The following WNK2 variants were observed in gnomAD, a reference collection of about 807,000 sequenced individuals.
The protein encoded by WNK2 is serine/threonine-protein kinase WNK2.
A neutral mutation model predicts 192.1 loss-of-function variants in WNK2; 67 were observed. The ratio of observed to expected loss-of-function variants is 0.35; its 90% CI spans 0.29 to 0.43. The LOEUF (loss-of-function observed/expected upper bound fraction) is 0.43, where lower values mean the gene tolerates loss of function less well. WNK2 is among the 20% of genes least tolerant of loss of function. WNK2 has a pLI of 1.00. For missense variants in WNK2, 2,698 were observed against 3,089.7 expected, an observed-to-expected ratio of 0.87 and a Z score of 3.01; for synonymous variants, 1,439 against 1,393.9, an observed-to-expected ratio of 1.03 and a Z score of -0.72.
rs938529496 is a variant in WNK2, at chr9:93,318,931, G to T, written c.6628+1300G>T. On this transcript the variant is annotated intron_variant, in intron 29 of 29. Transcript: ENST00000427277. Reference sequence around the variant, plus strand: ...TAGTTTCTGTACTTATTAGAACTGGGTAAATTATTTTGGTTCAAATCTATT... The same window carrying T: ...TAGTTTCTGTACTTATTAGAACTGGTTAAATTATTTTGGTTCAAATCTATT... The T allele has an allele frequency of 7.7e-6, 11 of 1,420,072 alleles. No individual in the cohort carries two copies. The Admixed American group carries it at 8.7e-5, about 11-fold the overall frequency. The allele number at this position is 1,420,072 out of a possible 1,614,324, so 88.0% of individuals were successfully genotyped here.
chr9:93,303,125 G>A (rs1376846011), intron 26 of WNK2, among the ~76,000 whole-genome samples: 1 of 152,168 alleles, frequency 6.6e-6, no homozygotes, highest in Admixed American at 6.5e-5. Context: ...TCACCATGTT[G>A]CCTAGGCTGG....
intron 28 of WNK2, among the ~76,000 whole-genome samples, chr9:93,312,941 C>G (rs1469811010): frequency 1.3e-5 from 2 of 152,202 alleles, no homozygotes; most frequent in Admixed American, 6.5e-5. Context: ...GTAAGTGTCT[C>G]CAGCTTGCTG....
intron 2 of WNK2, among the ~76,000 whole-genome samples, chr9:93,223,715 C>G (rs976360895): frequency 6.6e-6 from 1 of 152,200 alleles, no homozygotes; most frequent in African/African-American, 2.4e-5. Context: ...CTGCTGGCCC[C>G]CAGCTTGGGT....
chr9:93,189,664 G>T (rs574452438), intron 2 of WNK2, among the ~76,000 whole-genome samples: 3 of 152,368 alleles, frequency 2.0e-5, no homozygotes, highest in African/African-American at 7.2e-5. Context: ...CCACCCGACA[G>T]CCTCTCTCCC....
chr9:93,266,226 G>A (rs1302296027), intron 16 of WNK2, among the ~76,000 whole-genome samples: 1 of 152,192 alleles, frequency 6.6e-6, no homozygotes, highest in Non-Finnish European at 1.5e-5. Context: ...CTTTCTGTGA[G>A]TGTGAGGTAC....
At chr9:93,260,718 G>A (rs1341050120) in intron 12 of WNK2, among the ~76,000 whole-genome samples, 1 of 152,256 alleles carries the variant, frequency 6.6e-6, no homozygotes, top group African/African-American at 2.4e-5. Flanking sequence ...GCAGGGTGGT[G>A]TTTGATTAGA....
At position 93,251,179 on chromosome 9, in the gene WNK2, G is replaced by A. The variant is rs189484776; in HGVS notation, c.1835-1704G>A. 6.6e-5 allele frequency among the ~76,000 whole-genome samples: 10 copies of A among 151,912 alleles called. No individual in the cohort carries two copies. In the East Asian group the frequency reaches 1.2e-3, roughly 18 times the overall value. On this transcript the variant is annotated intron_variant, in intron 8 of 29. Coordinates refer to ENST00000427277, the MANE Select transcript of WNK2 (RefSeq NM_006648.4). ...CACCCAGGCTGGAGTGCAGTGGCAG[G>A]ATCTTGGCTCACTGCAACCACCATC...
chr9:93,185,078 AC>A lies in WNK2; in HGVS notation c.151del (p.Gln51ArgfsTer52). 7.6e-7 allele frequency: 1 copy of A among 1,315,666 alleles called. No homozygotes were observed. Among genetic ancestry groups the A allele is most frequent in the Non-Finnish European group, 9.7e-7 (1 of 1,029,698 alleles). The allele number at this position is 1,315,666 out of a possible 1,614,324, so 81.5% of individuals were successfully genotyped here. ...RFLRRSVVES[D>X]QEEPPGLEAA... ...CTGCGGCGCAGCGTGGTAGAGTCGGACCAGGAGGAGCCGCCGGGCTTGGAGG... is the reference window on the plus strand; with the variant it reads ...CTGCGGCGCAGCGTGGTAGAGTCGGACAGGAGGAGCCGCCGGGCTTGGAGG... On this transcript the variant is annotated frameshift_variant, in exon 2 of 30. Transcript: ENST00000427277. LOFTEE classifies it high-confidence loss of function.
chr9:93,250,822 T>C (rs575437948), intron 8 of WNK2, among the ~76,000 whole-genome samples: 8 of 149,422 alleles, frequency 5.4e-5, no homozygotes, highest in Admixed American at 1.3e-4. Flanking sequence ...TCTCGCTCTG[T>C]CACCCAGTCT....
chr9:93,209,030 G>T (rs1325237553), intron 2 of WNK2, among the ~76,000 whole-genome samples: 1 of 152,160 alleles, frequency 6.6e-6, no homozygotes, highest in Non-Finnish European at 1.5e-5. Context: ...TTTATGATCG[G>T]ACCAAGAGGT....
intron 9 of WNK2, among the ~76,000 whole-genome samples, chr9:93,253,441 A>C (rs949789132): frequency 2.7e-4 from 41 of 152,026 alleles, no homozygotes; most frequent in African/African-American, 7.0e-4. Context: ...GGGCACAGTG[A>C]TAATGGTGAC....
chr9:93,228,031 T>C (rs1167510250), intron 2 of WNK2, among the ~76,000 whole-genome samples: 2 of 152,248 alleles, frequency 1.3e-5, no homozygotes, highest in African/African-American at 4.8e-5. Flanking sequence ...TTATTGAATC[T>C]TTATGGGAAC....
chr9:93,253,216 C>T, intron 9 of WNK2, 134 bp downstream of exon 9: 1 of 769,516 alleles, frequency 1.3e-6, no homozygotes. Flanking sequence ...GGCCTGTGGT[C>T]AGTGTCCAGC....
At chr9:93,310,661 T>C (rs930329724) in intron 28 of WNK2, among the ~76,000 whole-genome samples, 1 of 152,176 alleles carries the variant, frequency 6.6e-6, no homozygotes, top group East Asian at 1.9e-4. Flanking sequence ...TGGTAGCCTC[T>C]ATCCTTCTTT....
In WNK2 at chr9:93,303,004, C is replaced by T. The variant is rs576735866; in HGVS notation, c.6214+2855C>T. 9.9e-4 allele frequency among the ~76,000 whole-genome samples: 151 copies of T among 152,236 alleles called. 1 individual carries two copies. Among genetic ancestry groups the T allele is most frequent in the African/African-American group, 3.4e-3 (142 of 41,528 alleles). ...CAAGATCTCAGCTCACTGCAACCTC[C>T]GCTTCCCTGACTCAAGCAATCTTCC... On this transcript the variant is annotated intron_variant, in intron 26 of 29. Transcript: ENST00000427277.
chr9:93,193,483 G>A (rs1015487122), intron 2 of WNK2, among the ~76,000 whole-genome samples: 2 of 152,252 alleles, frequency 1.3e-5, no homozygotes, highest in African/African-American at 2.4e-5. Flanking sequence ...GTGGAGGCTG[G>A]TTCCCGAGGC....
chr9:93,208,037 C>T (rs1833711596), intron 2 of WNK2, among the ~76,000 whole-genome samples: 1 of 152,176 alleles, frequency 6.6e-6, no homozygotes, highest in African/African-American at 2.4e-5. Flanking sequence ...CTCCCCAGGC[C>T]CTGCCTCCGG....
Position 93,234,694 on chromosome 9 carries a change from T to TG in WNK2, c.1076-111dup, listed in dbSNP as rs34288014. On this transcript the variant is annotated intron_variant, in intron 4 of 29. Coordinates refer to ENST00000427277, the MANE Select transcript of WNK2 (RefSeq NM_006648.4). Reference sequence around the variant, plus strand: ...GGGTCCAGGTGTTCTGAGTGTGCCATGGGATGTGGAGGGGACATGGGGTTC... The same window carrying TG: ...GGGTCCAGGTGTTCTGAGTGTGCCATGGGGATGTGGAGGGGACATGGGGTTC... The TG allele has an allele frequency of 9.0e-4, 1,128 of 1,248,342 alleles. 1 individual carries two copies. The highest frequency in any genetic ancestry group is 1.2e-3 in the Non-Finnish European group (1,051 of 903,990). 77.3% of individuals were successfully genotyped at this position (1,248,342 alleles called of 1,614,324 possible).
intron 19 of WNK2, among the ~76,000 whole-genome samples, chr9:93,270,443 C>T (rs1228718059): frequency 1.3e-5 from 2 of 152,164 alleles, no homozygotes; most frequent in Admixed American, 6.5e-5. Context: ...CACTGTAAAT[C>T]CTGGATTGAT....
Sources: allele counts gnomAD v4.1 joint callset (sites outside exome capture counted in the v4.1 genomes callset), GRCh38; gene constraint gnomAD v4.1.1; transcripts MANE v1.5; gene names NCBI Gene and HGNC (gene_info 2026-07-23, HGNC 2026-07-21).